PREP: variants seen among roughly 807,000 people sequenced by gnomAD.
PREP encodes prolyl endopeptidase.
In PREP, 29 loss-of-function variants were observed where a neutral mutation model predicts 87.6. That is an observed-to-expected ratio of 0.33 (90% CI 0.25 to 0.45). The LOEUF (loss-of-function observed/expected upper bound fraction) is 0.45, where lower values mean the gene tolerates loss of function less well. Among genes scored for constraint, PREP ranks in the 20% least tolerant of loss-of-function variants. PREP has a pLI of 1.00. For missense variants in PREP, 695 were observed against 886.5 expected, an observed-to-expected ratio of 0.78 and a Z score of 2.74; for synonymous variants, 337 against 328.6, an observed-to-expected ratio of 1.03 and a Z score of -0.28.
chr6:105,340,933 T>C (rs1405027074), intron 7 of PREP, among the ~76,000 whole-genome samples: 1 of 152,068 alleles, frequency 6.6e-6, no homozygotes, highest in African/African-American at 2.4e-5. Context: ...TCCCACACAA[T>C]AATAATGGGA....
chr6:105,328,241 ATGT>A (rs1371377701), intron 9 of PREP, among the ~76,000 whole-genome samples: 4 of 152,020 alleles, frequency 2.6e-5, no homozygotes, highest in Admixed American at 1.3e-4. Flanking sequence ...ACTGAATCAA[ATGT>A]TGTATTCATT....
At chr6:105,368,424 G>T (rs1038141665) in intron 6 of PREP, among the ~76,000 whole-genome samples, 3 of 152,154 alleles carry the variant, frequency 2.0e-5, no homozygotes, top group African/African-American at 7.2e-5. Flanking sequence ...TATGAATATT[G>T]ATGAGAAAAT....
chr6:105,324,945 A>G (rs760076330), intron 9 of PREP, among the ~76,000 whole-genome samples: 38 of 152,242 alleles, frequency 2.5e-4, no homozygotes, highest in Non-Finnish European at 5.1e-4. Context: ...AGTAAGATGT[A>G]TAACATGACT....
intron 1 of PREP, among the ~76,000 whole-genome samples, chr6:105,399,831 T>C (rs760161644): frequency 6.6e-6 from 1 of 152,174 alleles, no homozygotes; most frequent in African/African-American, 2.4e-5. Flanking sequence ...CCCAGAACCA[T>C]ATCAAGTTCA....
intron 6 of PREP, among the ~76,000 whole-genome samples, chr6:105,361,150 T>C (rs141895016): frequency 6.6e-6 from 1 of 152,212 alleles, no homozygotes; most frequent in Non-Finnish European, 1.5e-5. Context: ...ACCTGAGCTT[T>C]CCAAATGACC....
In PREP at chr6:105,274,602, C is replaced by T. The variant is rs910955635; in HGVS notation, c.*3542G>A. On this transcript the variant is annotated 3_prime_UTR_variant, in exon 15 of 15. Coordinates refer to ENST00000652536, the MANE Select transcript of PREP (RefSeq NM_002726.5). ...CCAACATGGTGAAACCCCATCTCTACTAAAAATACAAAAAGATTAGCCGGG... is the reference window on the plus strand; with the variant it reads ...CCAACATGGTGAAACCCCATCTCTATTAAAAATACAAAAAGATTAGCCGGG... Among the ~76,000 whole-genome samples the T allele has an allele frequency of 2.6e-5, 4 of 152,002 alleles. No homozygotes were observed.
chr6:105,314,840 T>G (rs1770828268), intron 10 of PREP, among the ~76,000 whole-genome samples: 2 of 152,168 alleles, frequency 1.3e-5, no homozygotes, highest in African/African-American at 4.8e-5. Context: ...CAATTTACTC[T>G]GCCCAGATCC....
At chr6:105,313,145 C>T (rs1770793706) in intron 10 of PREP, among the ~76,000 whole-genome samples, 1 of 152,228 alleles carries the variant, frequency 6.6e-6, no homozygotes, top group African/African-American at 2.4e-5. Context: ...AATCAAAAGA[C>T]TACACTTGTG....
At chr6:105,382,600 A>C (rs1036802159) in intron 2 of PREP, among the ~76,000 whole-genome samples, 2 of 152,224 alleles carry the variant, frequency 1.3e-5, no homozygotes, top group African/African-American at 4.8e-5. Context: ...TACTCATTAA[A>C]TAAATATTTA....
intron 11 of PREP, among the ~76,000 whole-genome samples, chr6:105,287,407 C>T (rs944024599): frequency 3.9e-5 from 6 of 152,046 alleles, no homozygotes; most frequent in Admixed American, 6.5e-5. Flanking sequence ...ATATATCTTT[C>T]GAAAATATTG....
intron 7 of PREP, among the ~76,000 whole-genome samples, chr6:105,340,530 C>G (rs187861906): frequency 1.3e-5 from 2 of 152,062 alleles, no homozygotes; most frequent in African/African-American, 4.8e-5. Flanking sequence ...AGGATCAAAT[C>G]CACACATAAC....
intron 2 of PREP, among the ~76,000 whole-genome samples, chr6:105,395,517 C>T (rs767847973): frequency 3.9e-5 from 6 of 152,104 alleles, no homozygotes; most frequent in African/African-American, 9.7e-5. Context: ...GCAGAACTCC[C>T]GGTAAAGTGC....
At chr6:105,299,426 C>T (rs113921794) in intron 10 of PREP, among the ~76,000 whole-genome samples, 4,195 of 152,268 alleles carry the variant, frequency 0.028, 189 homozygotes, top group African/African-American at 0.095. Context: ...TGGCAAAACC[C>T]CATCTCTACT....
chr6:105,282,595 A>G lies in PREP; in HGVS notation c.1550-13T>C, dbSNP rs1014346238. On this transcript the variant is annotated splice_polypyrimidine_tract_variant and intron_variant, in intron 12 of 14. Transcript: ENST00000652536. ...GCCAAGATACCACCTACAGTGTGCC[A>G]AAGTGGAAGATAGTTAATTAACAAA... is the stretch of plus-strand genomic sequence containing the variant. The G allele has an allele frequency of 3.7e-6, 6 of 1,607,608 alleles. No homozygotes were observed. Among genetic ancestry groups the G allele is most frequent in the South Asian group, 2.2e-5 (2 of 89,088 alleles).
chr6:105,369,014 T>C lies in PREP; in HGVS notation c.606A>G (p.Thr202=). 6.2e-7 allele frequency: 1 copy of C among 1,614,034 alleles called. No homozygotes were observed. The highest frequency in any genetic ancestry group is 8.5e-7 in the Non-Finnish European group (1 of 1,179,912). The change falls in exon 6 of 15, where the codon ACA becomes ACG. Residue 202 remains threonine, a synonymous_variant. Coordinates refer to ENST00000652536, the MANE Select transcript of PREP (RefSeq NM_002726.5). ...QQDGKSDGTE[T]STNLHQKLYY... ...AGAGCTTTTGGTGGAGATTGGTAGA[T>C]GTCTCTGTGCCTGAAGGAGTTAAAA...
In PREP at chr6:105,278,046, T is replaced by C. The variant is rs1486669310; in HGVS notation, c.*98A>G. 2.3e-5 allele frequency: 32 copies of C among 1,415,474 alleles called. No homozygotes were observed. Among genetic ancestry groups the C allele is most frequent in the Non-Finnish European group, 2.9e-5 (30 of 1,033,658 alleles). The allele number at this position is 1,415,474 out of a possible 1,614,324, so 87.7% of individuals were successfully genotyped here. A position where few individuals can be genotyped will look rare whatever the true frequency, so the allele number is the denominator to read the frequency against. ...GTAGCCTGTGAGTGCAGGAATAATG[T>C]TCCCGTGGGGAAGCATTATGCCCAG... On this transcript the variant is annotated 3_prime_UTR_variant, in exon 15 of 15. Transcript: ENST00000652536. The surrounding 1 kb of genome is among the most constrained non-coding windows in gnomAD (Gnocchi z 4.2).
intron 10 of PREP, among the ~76,000 whole-genome samples, chr6:105,294,061 A>C (rs1479810022): frequency 6.6e-6 from 1 of 152,216 alleles, no homozygotes; most frequent in Non-Finnish European, 1.5e-5. Flanking sequence ...TCAGGAGAAG[A>C]AGCTAACAAA....
chr6:105,351,478 C>G (rs1023974150), intron 7 of PREP, among the ~76,000 whole-genome samples: 8 of 152,074 alleles, frequency 5.3e-5, no homozygotes, highest in Admixed American at 5.2e-4. Flanking sequence ...AATAAAATAA[C>G]TGGGTTGCAG....
chr6:105,394,842 C>T (rs894101016), intron 2 of PREP, among the ~76,000 whole-genome samples: 2 of 152,070 alleles, frequency 1.3e-5, no homozygotes, highest in Non-Finnish European at 2.9e-5. Context: ...TTGATAGCAA[C>T]GACAAAAAGC....
Sources: allele counts gnomAD v4.1 joint callset (sites outside exome capture counted in the v4.1 genomes callset), GRCh38; gene constraint gnomAD v4.1.1; non-coding constraint Gnocchi (gnomAD v3.1); transcripts MANE v1.5; gene names NCBI Gene and HGNC (gene_info 2026-07-23, HGNC 2026-07-21).